Variants in INPP4B observed in about 807,000 individuals in gnomAD.
INPP4B encodes inositol polyphosphate-4-phosphatase type II B.
In INPP4B, 55 loss-of-function variants were observed where a neutral mutation model predicts 122.5. The observed-to-expected ratio is 0.45, with a 90% CI of 0.36 to 0.56. The LOEUF (loss-of-function observed/expected upper bound fraction) is 0.56, where lower values mean the gene tolerates loss of function less well. Among genes scored for constraint, INPP4B ranks in the 20% least tolerant of loss-of-function variants. INPP4B has a pLI of 0.00. For synonymous variants in INPP4B, 403 were observed against 388.7 expected (o/e 1.04, Z -0.43); for missense variants, 1,000 against 1,097.7 (o/e 0.91, Z 1.26).
chr4:142,272,506 A>C (rs1746352037), intron 9 of INPP4B, among the ~76,000 whole-genome samples: 1 of 152,084 alleles, frequency 6.6e-6, no homozygotes, highest in South Asian at 2.1e-4. Context: ...GGAAATTATA[A>C]TGTTGATTCA....
chr4:142,787,428 C>T (rs1331569698), intron 1 of INPP4B, among the ~76,000 whole-genome samples: 3 of 152,018 alleles, frequency 2.0e-5, no homozygotes, highest in Non-Finnish European at 2.9e-5. Context: ...CAAGAAAGCC[C>T]TCTCCAGATG....
At chr4:142,749,623 AG>A (rs1769338089) in intron 1 of INPP4B, among the ~76,000 whole-genome samples, 1 of 151,994 alleles carries the variant, frequency 6.6e-6, no homozygotes, top group Non-Finnish European at 1.5e-5. Context: ...ATAATTCTAA[AG>A]TTGTGTCCAC....
intron 11 of INPP4B, among the ~76,000 whole-genome samples, chr4:142,258,030 G>A (rs1737361668): frequency 6.6e-6 from 1 of 151,916 alleles, no homozygotes; most frequent in African/African-American, 2.4e-5. Flanking sequence ...ACAGAACAGA[G>A]CCCTCAGAAA....
At position 142,492,472 on chromosome 4, in the gene INPP4B, GA is replaced by G. The variant is rs1289128226; in HGVS notation, c.-190-29747del. Among the ~76,000 whole-genome samples the G allele has an allele frequency of 2.0e-5, 3 of 152,136 alleles. No individual in the cohort carries two copies. The East Asian group carries it at 5.8e-4, about 30-fold the overall frequency. The stretch of plus-strand genomic sequence containing the variant: ...AGACAGGAAGATGTGAGAAAATTTG[GA>G]ACTTCCTAGAGACTTGTTGAATGGC... On this transcript the variant is annotated intron_variant, in intron 2 of 25. Coordinates refer to ENST00000262992, the MANE Select transcript of INPP4B (RefSeq NM_001101669.3).
chr4:142,506,805 C>T (rs1349821398), intron 2 of INPP4B, among the ~76,000 whole-genome samples: 2 of 152,070 alleles, frequency 1.3e-5, no homozygotes, highest in Non-Finnish European at 2.9e-5. Context: ...AAATGACAGT[C>T]CTAATATCCA....
At chr4:142,051,060 T>C (rs931731211) in intron 25 of INPP4B, among the ~76,000 whole-genome samples, 1 of 152,086 alleles carries the variant, frequency 6.6e-6, no homozygotes, top group African/African-American at 2.4e-5. Flanking sequence ...TTGAGTATAA[T>C]ACATGTTCCT....
chr4:142,662,584 G>C (rs1755399878), intron 2 of INPP4B, among the ~76,000 whole-genome samples: 1 of 152,102 alleles, frequency 6.6e-6, no homozygotes, highest in African/African-American at 2.4e-5. Flanking sequence ...AAGAGATTGT[G>C]TCACCTCCAT....
At chr4:142,268,688 T>C (rs1008039542) in intron 10 of INPP4B, among the ~76,000 whole-genome samples, 2 of 152,114 alleles carry the variant, frequency 1.3e-5, no homozygotes, top group African/African-American at 4.8e-5. Flanking sequence ...AGGGGGAAAG[T>C]TCTGTCATTA....
At chr4:142,436,194 G>A (rs1013758947) in intron 3 of INPP4B, among the ~76,000 whole-genome samples, 4 of 152,136 alleles carry the variant, frequency 2.6e-5, no homozygotes, top group African/African-American at 4.8e-5. Context: ...CTCACTGGGC[G>A]AGGCCTCCCT....
chr4:142,453,507 T>C (rs555489833), intron 3 of INPP4B, among the ~76,000 whole-genome samples: 6 of 152,302 alleles, frequency 3.9e-5, no homozygotes, highest in Admixed American at 3.3e-4. Flanking sequence ...AATTAAAATT[T>C]TATCTTCTGC....
chr4:142,287,963 G>A (rs1427940880), intron 9 of INPP4B, among the ~76,000 whole-genome samples: 1 of 152,180 alleles, frequency 6.6e-6, no homozygotes, highest in African/African-American at 2.4e-5. Flanking sequence ...CCTTCTAGCT[G>A]TGGCCTCACA....
At chr4:142,280,519 G>C (rs1041102382) in intron 9 of INPP4B, among the ~76,000 whole-genome samples, 1 of 151,908 alleles carries the variant, frequency 6.6e-6, no homozygotes, top group Non-Finnish European at 1.5e-5. Context: ...ACAGATCAGT[G>C]GTGGCCAGGG....
chr4:142,691,616 C>T (rs1210529971), intron 2 of INPP4B, among the ~76,000 whole-genome samples: 2 of 152,176 alleles, frequency 1.3e-5, no homozygotes, highest in East Asian at 3.9e-4. Flanking sequence ...GGTTACCTGA[C>T]TCAGAAAACC....
chr4:142,229,542 C>A (rs1389042182), intron 12 of INPP4B, among the ~76,000 whole-genome samples: 1 of 152,076 alleles, frequency 6.6e-6, no homozygotes, highest in Non-Finnish European at 1.5e-5. Context: ...AAAGATTATA[C>A]ACATCCCATT....
chr4:142,822,283 G>C (rs1472144310), intron 1 of INPP4B, among the ~76,000 whole-genome samples: 4 of 152,140 alleles, frequency 2.6e-5, no homozygotes, highest in African/African-American at 7.2e-5. Flanking sequence ...AACTTCAGGA[G>C]GTAAGAGCTA....
intron 2 of INPP4B, among the ~76,000 whole-genome samples, chr4:142,635,730 G>T (rs1397263758): frequency 6.6e-6 from 1 of 152,056 alleles, no homozygotes; most frequent in Non-Finnish European, 1.5e-5. Flanking sequence ...GTAAAAAGGA[G>T]AGCAGTAGAA....
intron 24 of INPP4B, among the ~76,000 whole-genome samples, chr4:142,082,440 T>C (rs1456745778): frequency 6.6e-6 from 1 of 152,128 alleles, no homozygotes; most frequent in Non-Finnish European, 1.5e-5. Flanking sequence ...AGATGTAAAC[T>C]ATCCAGCAGA....
At chr4:142,777,214 C>T (rs956311703) in intron 1 of INPP4B, among the ~76,000 whole-genome samples, 1 of 152,116 alleles carries the variant, frequency 6.6e-6, no homozygotes, top group Non-Finnish European at 1.5e-5. Context: ...GGCAGGAACT[C>T]CTCCCTTATG....
intron 10 of INPP4B, among the ~76,000 whole-genome samples, chr4:142,265,149 C>A (rs72939289): frequency 1.7e-3 from 258 of 152,240 alleles, no homozygotes; most frequent in African/African-American, 5.8e-3. Flanking sequence ...CTTCCAGAAC[C>A]GTGAGAAAAT....
Sources: allele counts gnomAD v4.1 joint callset (sites outside exome capture counted in the v4.1 genomes callset), GRCh38; gene constraint gnomAD v4.1.1; transcripts MANE v1.5; gene names NCBI Gene and HGNC (gene_info 2026-07-23, HGNC 2026-07-21).